Variants in SRPK2 observed in about 807,000 individuals in gnomAD.
SRPK2 encodes the protein SFRS protein kinase 2.
SRPK2 carries 21 observed loss-of-function variants against 90.8 expected under a neutral mutation model. The observed-to-expected ratio is 0.23, with a 90% CI of 0.16 to 0.33. The LOEUF is 0.33. Among genes scored for constraint, SRPK2 ranks in the 10% least tolerant of loss-of-function variants. SRPK2 has a pLI of 1.00. For missense variants in SRPK2, 620 were observed against 869.0 expected (o/e 0.71, Z 3.60); for synonymous variants, 288 against 311.1 (o/e 0.93, Z 0.78).
At chr7:105,341,359 A>AAAG (rs1815763015) in intron 2 of SRPK2, among the ~76,000 whole-genome samples, 4 of 99,476 alleles carry the variant, frequency 4.0e-5, no homozygotes, top group Non-Finnish European at 9.6e-5. Flanking sequence ...CTCCGTCTCA[A>AAAG]AAAAAAAAAA....
chr7:105,268,634 C>T (rs1030639041), intron 2 of SRPK2, among the ~76,000 whole-genome samples: 1 of 152,184 alleles, frequency 6.6e-6, no homozygotes, highest in Non-Finnish European at 1.5e-5. Flanking sequence ...AAATCAATCA[C>T]CCTTTGCAAA....
intron 2 of SRPK2, among the ~76,000 whole-genome samples, chr7:105,312,875 G>T (rs1298703637): frequency 6.6e-6 from 1 of 152,124 alleles, no homozygotes; most frequent in Non-Finnish European, 1.5e-5. Context: ...GGCCTCAAGT[G>T]ATCCTCCCAC....
chr7:105,381,371 T>C (rs906833993), intron 2 of SRPK2, among the ~76,000 whole-genome samples: 1 of 152,082 alleles, frequency 6.6e-6, no homozygotes, highest in Non-Finnish European at 1.5e-5. Context: ...CGTCAGGAGC[T>C]TGAGACCAGC....
chr7:105,262,447 G>A (rs546737074), intron 2 of SRPK2, among the ~76,000 whole-genome samples: 180 of 152,212 alleles, frequency 1.2e-3, no homozygotes, highest in African/African-American at 4.2e-3. Flanking sequence ...CAAGGCGGAC[G>A]GCTAAGCATC....
At chr7:105,359,051 C>A (rs1201561836) in intron 2 of SRPK2, among the ~76,000 whole-genome samples, 1 of 151,942 alleles carries the variant, frequency 6.6e-6, no homozygotes, top group Non-Finnish European at 1.5e-5. Flanking sequence ...GAGGGATCCA[C>A]CCCCTACAAT....
At position 105,181,891 on chromosome 7, in the gene SRPK2, A is replaced by C. The variant is rs548814452; in HGVS notation, c.230-12626T>G. ...AACCTAAGATAAAAGTAAAAAAAAA[A>C]AAAAACAGAAAACACACACACAAAA... On this transcript the variant is annotated intron_variant, in intron 3 of 15. Coordinates refer to ENST00000393651, the MANE Select transcript of SRPK2 (RefSeq NM_182692.3). Among the ~76,000 whole-genome samples, 118 of 147,486 alleles carry C rather than the reference A, an allele frequency of 8.0e-4. 3 individuals are homozygous for C. The highest frequency in any genetic ancestry group is 2.8e-3 in the African/African-American group (113 of 40,826).
In SRPK2 at chr7:105,160,495, CAA is replaced by C. The variant is rs1295346940; in HGVS notation, c.621+10_621+11del. 1 of 1,582,528 alleles carries C rather than the reference CAA, an allele frequency of 6.3e-7. No homozygotes were observed. The highest frequency in any genetic ancestry group is 1.7e-5 in the Admixed American group (1 of 59,842). Reference sequence around the variant, plus strand: ...GGTACTAGGGCCTAGGGGCTGCCGTCAAAAGTCTCACCTGTCGAATGATACTC... The same window carrying C: ...GGTACTAGGGCCTAGGGGCTGCCGTCAAGTCTCACCTGTCGAATGATACTC... On this transcript the variant is annotated intron_variant, in intron 7 of 15. Transcript: ENST00000393651.
chr7:105,296,354 G>C (rs1809815430), intron 2 of SRPK2, among the ~76,000 whole-genome samples: 1 of 152,026 alleles, frequency 6.6e-6, no homozygotes, highest in Non-Finnish European at 1.5e-5. Context: ...GGCCTTCCTA[G>C]CCTCCTAACT....
At chr7:105,381,001 G>A (rs1383338766) in intron 2 of SRPK2, among the ~76,000 whole-genome samples, 1 of 142,024 alleles carries the variant, frequency 7.0e-6, no homozygotes, top group Non-Finnish European at 1.5e-5. Context: ...GCTCATGACT[G>A]TAATCCCAGC....
Position 105,318,126 on chromosome 7 carries a change from G to A in SRPK2, c.71+70522C>T, listed in dbSNP as rs971296100. On this transcript the variant is annotated intron_variant, in intron 2 of 15. Transcript: ENST00000393651. The stretch of plus-strand genomic sequence containing the variant: ...GTTTTGTTTTTTGATACAGAGTCTC[G>A]CTCTGTCACCCAGGCTTGAATGCAG... 3.3e-5 allele frequency among the ~76,000 whole-genome samples: 5 copies of A among 152,044 alleles called. No individual in the cohort carries two copies. In the East Asian group the frequency reaches 9.7e-4, roughly 29 times the overall value.
chr7:105,187,672 A>G (rs1793764749), intron 3 of SRPK2, among the ~76,000 whole-genome samples: 1 of 152,190 alleles, frequency 6.6e-6, no homozygotes, highest in African/African-American at 2.4e-5. Context: ...TCAGTGTGTT[A>G]CCAACACAGG....
intron 2 of SRPK2, chr7:105,301,943 A>G (rs1279506819): frequency 6.2e-7 from 1 of 1,609,368 alleles, no homozygotes; most frequent in Admixed American, 1.7e-5. Flanking sequence ...AAGTAAGAAA[A>G]AAGACAAAAA....
chr7:105,156,338 T>G (rs1336959182), intron 7 of SRPK2, among the ~76,000 whole-genome samples: 6 of 152,208 alleles, frequency 3.9e-5, no homozygotes, highest in Non-Finnish European at 8.8e-5. Context: ...ATCAGGAAAG[T>G]AATAATACCC....
At chr7:105,186,588 A>G (rs1793609837) in intron 3 of SRPK2, among the ~76,000 whole-genome samples, 1 of 152,210 alleles carries the variant, frequency 6.6e-6, no homozygotes, top group African/African-American at 2.4e-5. Flanking sequence ...GTGTTCTTCA[A>G]CAAAGGCCGA....
At chr7:105,291,593 G>A (rs1809029912) in intron 2 of SRPK2, among the ~76,000 whole-genome samples, 1 of 152,140 alleles carries the variant, frequency 6.6e-6, no homozygotes, top group South Asian at 2.1e-4. Flanking sequence ...AGCCGGGCAT[G>A]GTGGCGCACG....
chr7:105,238,475 C>T (rs545762951), intron 2 of SRPK2, among the ~76,000 whole-genome samples: 2 of 152,270 alleles, frequency 1.3e-5, no homozygotes, highest in South Asian at 2.1e-4. Context: ...AGGTCACAAG[C>T]GGCAAAACTA....
Position 105,226,090 on chromosome 7 carries a change from A to C in SRPK2, c.72-22305T>G, listed in dbSNP as rs569892270. On this transcript the variant is annotated intron_variant, in intron 2 of 15. Coordinates refer to ENST00000393651, the MANE Select transcript of SRPK2 (RefSeq NM_182692.3). ...TACTACCAAGTAAGAAGTTCTGTTAAGTCTAGGAACCTAAAGACTTCCAAA... is the reference window on the plus strand; with the variant it reads ...TACTACCAAGTAAGAAGTTCTGTTACGTCTAGGAACCTAAAGACTTCCAAA... Among the ~76,000 whole-genome samples, 3 of 152,370 alleles carry C rather than the reference A, an allele frequency of 2.0e-5. No homozygotes were observed. The East Asian group carries it at 5.8e-4, about 29-fold the overall frequency.
chr7:105,389,494 C>T (rs1822081751), upstream of SRPK2: 2 of 992,142 alleles, frequency 2.0e-6, no homozygotes, highest in Non-Finnish European at 2.5e-6. Flanking sequence ...TCTAAGTGCC[C>T]TCCAGGATTG....
upstream of SRPK2, among the ~76,000 whole-genome samples, chr7:105,390,475 C>T (rs1822131463): frequency 6.6e-6 from 1 of 152,098 alleles, no homozygotes; most frequent in African/African-American, 2.4e-5. Flanking sequence ...ATCACCCAGG[C>T]TGGAGTGCAG....
Sources: allele counts gnomAD v4.1 joint callset (sites outside exome capture counted in the v4.1 genomes callset), GRCh38; gene constraint gnomAD v4.1.1; transcripts MANE v1.5; gene names NCBI Gene and HGNC (gene_info 2026-07-23, HGNC 2026-07-21).